The following RXRG variants were observed in gnomAD, a reference collection of about 807,000 sequenced individuals.
RXRG encodes retinoic acid receptor RXR-gamma.
A neutral mutation model predicts 49.2 loss-of-function variants in RXRG; 19 were observed. The observed-to-expected ratio is 0.39, with a 90% CI of 0.27 to 0.57. RXRG has a LOEUF of 0.57. RXRG is among the 20% of genes least tolerant of loss of function. The probability of loss-of-function intolerance (pLI) is 0.64; values close to 1 mark genes in which losing one functional copy is unlikely to be tolerated. For missense variants in RXRG, 452 were observed against 592.5 expected, an observed-to-expected ratio of 0.76 and a Z score of 2.46; for synonymous variants, 224 against 216.6, an observed-to-expected ratio of 1.03 and a Z score of -0.30.
At chr1:165,401,893 A>G (rs1479199414) in intron 9 of RXRG, among the ~76,000 whole-genome samples, 1 of 152,166 alleles carries the variant, frequency 6.6e-6, no homozygotes, top group Non-Finnish European at 1.5e-5. Context: ...CATGCCATCA[A>G]TTTGCTTTAG....
At position 165,439,463 on chromosome 1, in the gene RXRG, G is replaced by A. The variant is rs1036687671; in HGVS notation, c.49+5382C>T. Among the ~76,000 whole-genome samples the A allele has an allele frequency of 3.3e-5, 5 of 152,346 alleles. No homozygotes were observed. The East Asian group carries it at 5.8e-4, about 18-fold the overall frequency. ...AGGTGGAACTGCCCTGTGCGGCTTC[G>A]AAAGGCTAGCCAGCTGGTCCGAACT... On this transcript the variant is annotated intron_variant, in intron 1 of 9. Coordinates refer to ENST00000359842, the MANE Select transcript of RXRG (RefSeq NM_006917.5).
chr1:165,403,211 T>C (rs1467191936), intron 9 of RXRG, among the ~76,000 whole-genome samples: 1 of 152,212 alleles, frequency 6.6e-6, no homozygotes, highest in African/African-American at 2.4e-5. Flanking sequence ...TGTGTGACCC[T>C]CTGTGCACAG....
chr1:165,411,256 G>C, intron 4 of RXRG, 147 bp from the exon 5 acceptor site: 1 of 848,530 alleles, frequency 1.2e-6, no homozygotes, highest in Non-Finnish European at 1.8e-6. Flanking sequence ...GTTGACAGAT[G>C]AAACAAGGAA....
At chr1:165,423,182 T>C (rs966179811) in intron 2 of RXRG, among the ~76,000 whole-genome samples, 1 of 152,126 alleles carries the variant, frequency 6.6e-6, no homozygotes, top group Non-Finnish European at 1.5e-5. Flanking sequence ...GCAGATGAGA[T>C]CAAAGGCAGC....
chr1:165,421,801 G>A (rs568082663), intron 2 of RXRG, among the ~76,000 whole-genome samples: 40 of 151,918 alleles, frequency 2.6e-4, no homozygotes, highest in African/African-American at 8.0e-4. Context: ...CAAAGTTCTG[G>A]GATTACAGGG....
intron 4 of RXRG, among the ~76,000 whole-genome samples, chr1:165,415,516 C>G (rs1305366693): frequency 1.3e-5 from 2 of 152,104 alleles, no homozygotes; most frequent in African/African-American, 4.8e-5. Flanking sequence ...TCTTAGGATG[C>G]TGTGTAGATC....
chr1:165,417,052 A>G lies in RXRG; in HGVS notation c.611T>C (p.Met204Thr). Residue 204 changes from methionine to threonine, a missense_variant, in exon 4 of 10, where the codon ATG (methionine) becomes ACG (threonine). Met to Thr is a moderately conservative substitution (Grantham distance 81). Coordinates refer to ENST00000359842, the MANE Select transcript of RXRG (RefSeq NM_006917.5). Reference protein sequence around the residue: ...CRYQKCLVMGMKREAVQEERQ... With the variant: ...CRYQKCLVMGTKREAVQEERQ... ...TGAATGTGTCTCACCTTCCCTCTTC[A>G]TGCCCATGACAAGGCACTTCTGATA... is the stretch of plus-strand genomic sequence containing the variant. The G allele has an allele frequency of 6.2e-7, 1 of 1,613,264 alleles. No individual in the cohort carries two copies. The highest frequency in any genetic ancestry group is 8.5e-7 in the Non-Finnish European group (1 of 1,179,568).
rs377378870 is a variant in RXRG at position 165,411,150 on chromosome 1, A to G, written c.623-41T>C. The G allele has an allele frequency of 5.0e-6, 8 of 1,590,772 alleles. No individual in the cohort carries two copies. In the African/African-American group the frequency reaches 1.1e-4, roughly 21 times the overall value. ...ACATGCAGAGGTTACCATAATGCCCAGGACAACAGTGGGAAAGTTTATTAC... is the reference window on the plus strand; with the variant it reads ...ACATGCAGAGGTTACCATAATGCCCGGGACAACAGTGGGAAAGTTTATTAC... On this transcript the variant is annotated intron_variant, in intron 4 of 9. Transcript: ENST00000359842.
At chr1:165,431,757 T>G (rs934470805) in intron 1 of RXRG, among the ~76,000 whole-genome samples, 1 of 152,124 alleles carries the variant, frequency 6.6e-6, no homozygotes, top group Non-Finnish European at 1.5e-5. Flanking sequence ...TTCACACTCA[T>G]CACCCCAAGA....
rs567217318 is a variant in RXRG, at chr1:165,444,369, T to C, written c.49+476A>G. ...AATCCAATTAAAGGGAAATCTGCTT[T>C]TGAGTAAAACAATCATGCCCTTGTT... On this transcript the variant is annotated intron_variant, in intron 1 of 9. Transcript: ENST00000359842. Among the ~76,000 whole-genome samples the C allele has an allele frequency of 2.0e-5, 3 of 152,344 alleles. No homozygotes were observed. The South Asian group carries it at 6.2e-4, about 32-fold the overall frequency.
chr1:165,413,622 C>G lies in RXRG; in HGVS notation c.623-2513G>C, dbSNP rs1222366700. ...GGGCTCACAAGGATACCAATGCTGC[C>G]CATGAACTGCCTCAAAGGCAATCCA... On this transcript the variant is annotated intron_variant, in intron 4 of 9. Coordinates refer to ENST00000359842, the MANE Select transcript of RXRG (RefSeq NM_006917.5). 7.9e-5 allele frequency among the ~76,000 whole-genome samples: 12 copies of G among 152,248 alleles called. No individual in the cohort carries two copies. The East Asian group carries it at 2.3e-3, about 29-fold the overall frequency.
intron 2 of RXRG, among the ~76,000 whole-genome samples, chr1:165,421,655 A>T (rs2101725891): frequency 6.6e-6 from 1 of 151,676 alleles, no homozygotes; most frequent in Admixed American, 6.6e-5. Flanking sequence ...TCAGCCTCCC[A>T]AGTAGCTGGG....
In RXRG at chr1:165,444,940, TAC is replaced by T; in HGVS notation, c.-49_-48del. The T allele has an allele frequency of 6.4e-7, 1 of 1,567,490 alleles. No individual in the cohort carries two copies. Among genetic ancestry groups the T allele is most frequent in the Non-Finnish European group, 8.8e-7 (1 of 1,138,308 alleles). ...CCTCTCCTGTGCAGCTTCTAAATAT[TAC>T]CGCCTCTCTCGGCTCCCAGGCACAG... is the stretch of plus-strand genomic sequence containing the variant. On this transcript the variant is annotated 5_prime_UTR_variant, in exon 1 of 10. Coordinates refer to ENST00000359842, the MANE Select transcript of RXRG (RefSeq NM_006917.5).
At chr1:165,418,110 C>CAAAAA (rs57782668) in intron 3 of RXRG, among the ~76,000 whole-genome samples, 12 of 73,854 alleles carry the variant, frequency 1.6e-4, no homozygotes, top group East Asian at 4.8e-4. Context: ...GATCCCGTCT[C>CAAAAA]AAAAAAAAAA....
chr1:165,426,918 T>C (rs753183095), intron 2 of RXRG, among the ~76,000 whole-genome samples: 38 of 152,152 alleles, frequency 2.5e-4, no homozygotes, highest in African/African-American at 8.7e-4. Flanking sequence ...CAGTTCAAGT[T>C]CAGAGACAGG....
At position 165,427,865 on chromosome 1, in the gene RXRG, CA is replaced by C. The variant is rs1658542419; in HGVS notation, c.297+853del. 2.0e-5 allele frequency among the ~76,000 whole-genome samples: 3 copies of C among 152,198 alleles called. No homozygotes were observed. The South Asian group carries it at 6.2e-4, about 32-fold the overall frequency. On this transcript the variant is annotated intron_variant, in intron 2 of 9. Transcript: ENST00000359842. The stretch of plus-strand genomic sequence containing the variant: ...TTTCTATGATACACCATGAGAAAAG[CA>C]TGCCCCCAAGTAGCTGCCACTCCTA...
chr1:165,429,944 A>C (rs745606280), intron 1 of RXRG, among the ~76,000 whole-genome samples: 38 of 152,292 alleles, frequency 2.5e-4, no homozygotes, highest in African/African-American at 8.7e-4. Flanking sequence ...GAGAGGAGCT[A>C]TAAGCTTTAG....
intron 1 of RXRG, chr1:165,436,836 A>AGAAGT (rs1463163807): frequency 2.3e-6 from 2 of 851,232 alleles, no homozygotes; most frequent in Non-Finnish European, 2.9e-6. Flanking sequence ...AGATGGGGAC[A>AGAAGT]GAAGTGGGGG....
At chr1:165,423,090 G>A (rs1490213505) in intron 2 of RXRG, among the ~76,000 whole-genome samples, 1 of 152,222 alleles carries the variant, frequency 6.6e-6, no homozygotes, top group Non-Finnish European at 1.5e-5. Context: ...AGTGGCAGGA[G>A]GGGCAGTGAG....
Sources: allele counts gnomAD v4.1 joint callset (sites outside exome capture counted in the v4.1 genomes callset), GRCh38; gene constraint gnomAD v4.1.1; transcripts MANE v1.5; gene names NCBI Gene and HGNC (gene_info 2026-07-23, HGNC 2026-07-21).